PER3: variants seen among roughly 807,000 people sequenced by gnomAD.
PER3 encodes period circadian protein homolog 3.
PER3 carries 107 observed loss-of-function variants against 127.2 expected under a neutral mutation model. That is an observed-to-expected ratio of 0.84 (90% CI 0.72 to 0.99). PER3 has a LOEUF of 0.99. Among genes scored for constraint, PER3 ranks in the 50% least tolerant of loss-of-function variants. The pLI is 0.00. For synonymous variants in PER3, 618 were observed against 585.8 expected (o/e 1.05, Z -0.79); for missense variants, 1,560 against 1,525.8 (o/e 1.02, Z -0.37).
At chr1:7,804,354 C>G (rs1577730261) in intron 10 of PER3, among the ~76,000 whole-genome samples, 1 of 139,864 alleles carries the variant, frequency 7.1e-6, no homozygotes, top group Non-Finnish European at 1.5e-5. Flanking sequence ...GCATGTAAAA[C>G]TTTTTATATC....
At chr1:7,824,295 AACAG>A (rs1220376378) in intron 16 of PER3, among the ~76,000 whole-genome samples, 1 of 152,260 alleles carries the variant, frequency 6.6e-6, no homozygotes, top group Non-Finnish European at 1.5e-5. Context: ...CAAAATAGAA[AACAG>A]ACAATAGAGA....
In PER3 at chr1:7,835,943, G is replaced by A. The variant is rs371822849; in HGVS notation, c.3396G>A (p.Glu1132=). The A allele has an allele frequency of 2.8e-5, 44 of 1,580,720 alleles. 1 individual carries two copies. In the South Asian group the frequency reaches 5.0e-4, roughly 18 times the overall value. Residue 1132 remains glutamate, a splice_region_variant and synonymous_variant, in exon 20 of 22, where the codon GAG becomes GAA. Transcript: ENST00000377532. ...ERILMTYQVP[E]RVKEVVLKED... ...TTCTCATGACATACCAGGTACCTGA[G>A]AGGTAAGAAAGCACTTTAGAAAACC...
At chr1:7,803,630 G>A in intron 9 of PER3, 62 bp from the exon 10 acceptor site, 1 of 1,052,092 alleles carries the variant, frequency 9.5e-7, no homozygotes, top group Non-Finnish European at 1.4e-6. Context: ...GGCTTAAAAA[G>A]GACATTTGTA....
chr1:7,820,444 G>C (rs1433039490), intron 15 of PER3, 23 bp from the exon 16 acceptor site: 3 of 1,585,828 alleles, frequency 1.9e-6, no homozygotes, highest in Non-Finnish European at 2.6e-6. Flanking sequence ...TCTTTTCACT[G>C]TCAGTTTCTC....
At chr1:7,822,444 G>T (rs1230829475) in intron 16 of PER3, among the ~76,000 whole-genome samples, 1 of 151,818 alleles carries the variant, frequency 6.6e-6, no homozygotes, top group Non-Finnish European at 1.5e-5. Context: ...TAGTAGAGAT[G>T]ATATCACCAT....
rs780606802 is a variant in PER3, at chr1:7,827,440, G to C, written c.2511G>C (p.Leu837Phe). 33 of 1,614,086 alleles carry C rather than the reference G, an allele frequency of 2.0e-5. 1 individual carries two copies. The South Asian group carries it at 3.3e-4, about 16-fold the overall frequency. ...CGGAAGGCCTGCATGGGCTGCCCTTGTCCGAGGGCTTGCAGCCTTACCCAG... is the reference window on the plus strand; with the variant it reads ...CGGAAGGCCTGCATGGGCTGCCCTTCTCCGAGGGCTTGCAGCCTTACCCAG... ...TAPEGLHGLPLSEGLQPYPAF... is the reference protein window; with the variant it reads ...TAPEGLHGLPFSEGLQPYPAF... Residue 837 changes from leucine (L) to phenylalanine (F), a missense_variant, in exon 18 of 22, where the codon TTG becomes TTC. This residue lies in a region of PER3 where 1,332 missense variants were observed against 1,223.6 expected (regional missense o/e 1.09). Transcript: ENST00000377532.
At chr1:7,828,440 C>A (rs2097313293) in intron 18 of PER3, among the ~76,000 whole-genome samples, 1 of 152,214 alleles carries the variant, frequency 6.6e-6, no homozygotes, top group Non-Finnish European at 1.5e-5. Context: ...ACTTTGGAAT[C>A]TGACGTTCCT....
chr1:7,816,437 A>T (rs1304214050), intron 13 of PER3, among the ~76,000 whole-genome samples: 1 of 152,202 alleles, frequency 6.6e-6, no homozygotes, highest in African/African-American at 2.4e-5. Context: ...GACAAATGAA[A>T]AGACAAAATA....
intron 13 of PER3, among the ~76,000 whole-genome samples, chr1:7,815,325 A>G (rs1205365674): frequency 6.6e-6 from 1 of 152,240 alleles, no homozygotes; most frequent in African/African-American, 2.4e-5. Context: ...CCAGCTACAT[A>G]CTATCTACAA....
At chr1:7,824,469 G>A (rs1027815241) in intron 16 of PER3, among the ~76,000 whole-genome samples, 2 of 151,878 alleles carry the variant, frequency 1.3e-5, no homozygotes, top group Admixed American at 6.6e-5. Flanking sequence ...TGCTTTGACT[G>A]TTAGGTCTTT....
chr1:7,814,137 T>G (rs1207721799), intron 13 of PER3, among the ~76,000 whole-genome samples: 1 of 152,112 alleles, frequency 6.6e-6, no homozygotes, highest in African/African-American at 2.4e-5. Flanking sequence ...GCAAACAGAA[T>G]AGAGCATTCT....
chr1:7,786,372 A>G (rs2150416735), intron 3 of PER3, among the ~76,000 whole-genome samples: 1 of 152,344 alleles, frequency 6.6e-6, no homozygotes, highest in Middle Eastern at 3.4e-3. Context: ...TTAAAGCCAT[A>G]TTCTCTTTAG....
intron 19 of PER3, among the ~76,000 whole-genome samples, chr1:7,833,452 C>T (rs1243158210): frequency 1.3e-5 from 2 of 152,154 alleles, no homozygotes; most frequent in Non-Finnish European, 2.9e-5. Flanking sequence ...TTATTAGGTG[C>T]ATATACACTT....
intron 19 of PER3, among the ~76,000 whole-genome samples, chr1:7,832,477 G>A (rs903615752): frequency 4.8e-5 from 7 of 146,406 alleles, no homozygotes; most frequent in Admixed American, 4.2e-4. Context: ...AGGATCAAGC[G>A]ATTCTCCTGC....
rs1178361457 is a variant in PER3 at position 7,829,885 on chromosome 1, G to A, written c.2938G>A (p.Ala980Thr). 1.9e-6 allele frequency: 3 copies of A among 1,614,066 alleles called. No individual in the cohort carries two copies. The highest frequency in any genetic ancestry group is 2.5e-6 in the Non-Finnish European group (3 of 1,180,044). The change falls in exon 19 of 22, where the codon GCA becomes ACA. Residue 980 changes from alanine (A) to threonine (T), a missense_variant. Around this residue, in one of 3 missense-constraint regions of PER3, gnomAD observed 29 missense variants for 103.6 expected, o/e 0.28. Transcript: ENST00000377532. ...TGAGAGCAGTCCTGCTACTACCGGT[G>A]CACTGTCCACGGGGTCACCTCCCAG... ...GSESSPATTG[A>T]LSTGSPPREN...
intron 5 of PER3, among the ~76,000 whole-genome samples, chr1:7,791,786 G>A (rs1177068884): frequency 6.6e-6 from 1 of 152,314 alleles, no homozygotes; most frequent in East Asian, 1.9e-4. Context: ...TAGGCCAGGA[G>A]CAAAAGTTGC....
rs1250753320 is a variant in PER3, at chr1:7,826,158, A to G, written c.1958-322A>G. On this transcript the variant is annotated intron_variant, in intron 16 of 21. Coordinates refer to ENST00000377532, the MANE Select transcript of PER3 (RefSeq NM_001377275.1). This position sits in a 1 kb window ranked among gnomAD's most constrained non-coding sequence, Gnocchi z 4.2. ...CCTGATTTTTGAACCACATGAATAT[A>G]TTACCTATTTAAAAGGTAAGTTCAA... is the stretch of plus-strand genomic sequence containing the variant. 6.6e-6 allele frequency among the ~76,000 whole-genome samples: 1 copy of G among 152,222 alleles called. No individual in the cohort carries two copies. Among genetic ancestry groups the G allele is most frequent in the Non-Finnish European group, 1.5e-5 (1 of 68,046 alleles).
In PER3 at chr1:7,820,595, T is replaced by C. The variant is rs750104024; in HGVS notation, c.1912T>C (p.Cys638Arg). The C allele has an allele frequency of 2.2e-5, 35 of 1,614,068 alleles. No homozygotes were observed. Among genetic ancestry groups the C allele is most frequent in the Non-Finnish European group, 2.9e-5 (34 of 1,180,036 alleles). Residue 638 changes from cysteine (C) to arginine (R), a missense_variant, in exon 16 of 22, where the codon TGC becomes CGC. This residue lies in a region of PER3 where 1,332 missense variants were observed against 1,223.6 expected (regional missense o/e 1.09). Transcript: ENST00000377532. ...GAGCTTGGGGTCGGGCATAAGCCAA[T>C]GCGGTTACAGCAGCACCATTGTCCA... ...MLSLGSGISQ[C>R]GYSSTIVHVP...
intron 20 of PER3, among the ~76,000 whole-genome samples, chr1:7,836,463 G>A (rs766677481): frequency 3.3e-5 from 5 of 152,182 alleles, no homozygotes; most frequent in Admixed American, 1.3e-4. Context: ...ACAGGCGTGA[G>A]CCACTGCACC....
Sources: allele counts gnomAD v4.1 joint callset (sites outside exome capture counted in the v4.1 genomes callset), GRCh38; gene constraint gnomAD v4.1.1; regional missense constraint gnomAD v4.1.1; non-coding constraint Gnocchi (gnomAD v3.1); transcripts MANE v1.5; gene names NCBI Gene and HGNC (gene_info 2026-07-23, HGNC 2026-07-21).